The following EDIL3 variants were observed in gnomAD, a reference collection of about 807,000 sequenced individuals.
The protein encoded by EDIL3 is EGF-like repeat and discoidin I-like domain-containing protein 3.
A neutral mutation model predicts 67.4 loss-of-function variants in EDIL3; 37 were observed. That is an observed-to-expected ratio of 0.55 (90% confidence interval 0.42 to 0.72). The LOEUF is 0.72. Among genes scored for constraint, EDIL3 ranks in the 30% least tolerant of loss-of-function variants. The pLI, the probability that EDIL3 is intolerant of heterozygous loss-of-function variation, is 0.00. For missense variants in EDIL3, 527 were observed against 586.3 expected (o/e 0.90, Z 1.04); for synonymous variants, 195 against 196.3 (o/e 0.99, Z 0.05).
intron 1 of EDIL3, among the ~76,000 whole-genome samples, chr5:84,335,805 G>C (rs913852614): frequency 6.6e-6 from 1 of 152,142 alleles, no homozygotes; most frequent in African/African-American, 2.4e-5. Flanking sequence ...AGACTGGGTA[G>C]TTTATAAAGA....
intron 10 of EDIL3, among the ~76,000 whole-genome samples, chr5:83,947,325 A>G (rs1019969207): frequency 4.0e-5 from 6 of 151,406 alleles, no homozygotes; most frequent in Admixed American, 2.6e-4. Context: ...ACAAAGGTAA[A>G]GATCCATTTT....
chr5:84,304,759 G>T (rs1044386236), intron 1 of EDIL3, among the ~76,000 whole-genome samples: 1 of 152,122 alleles, frequency 6.6e-6, no homozygotes, highest in South Asian at 2.1e-4. Context: ...GTTACTTAAA[G>T]GTGAACAAAT....
At chr5:84,031,142 T>C (rs1745912678) in intron 9 of EDIL3, among the ~76,000 whole-genome samples, 1 of 152,268 alleles carries the variant, frequency 6.6e-6, no homozygotes, top group African/African-American at 2.4e-5. Context: ...TATGACATCA[T>C]TTTACCCCAA....
intron 9 of EDIL3, among the ~76,000 whole-genome samples, chr5:84,019,042 T>C (rs1055699992): frequency 3.3e-5 from 5 of 152,314 alleles, no homozygotes; most frequent in African/African-American, 1.2e-4. Flanking sequence ...ATCCCATTAC[T>C]GGGTATATGC....
chr5:83,941,909 A>G lies in EDIL3; in HGVS notation c.*1510T>C, dbSNP rs949879357. On this transcript the variant is annotated 3_prime_UTR_variant, in exon 11 of 11. Transcript: ENST00000296591. ...TATACATCATTAAGAAATGCTGTTA[A>G]CACATGGACAGACAAGACAGTAACA... is the stretch of plus-strand genomic sequence containing the variant. 20 of 152,044 alleles carry G rather than the reference A, an allele frequency of 1.3e-4. 1 individual carries two copies. The highest frequency in any genetic ancestry group is 4.3e-4 in the African/African-American group (18 of 41,452). The allele number at this position is 152,044 out of a possible 1,614,324, so 9.4% of individuals were successfully genotyped here.
At chr5:84,076,136 T>C (rs1312701911) in intron 6 of EDIL3, among the ~76,000 whole-genome samples, 3 of 151,986 alleles carry the variant, frequency 2.0e-5, no homozygotes. Context: ...AGTTATTTTA[T>C]ATTTTATCAA....
chr5:83,961,384 A>C (rs34996047), intron 10 of EDIL3, among the ~76,000 whole-genome samples: 42,891 of 150,992 alleles, frequency 0.28, 6,161 homozygotes, highest in East Asian at 0.34. Flanking sequence ...ATTTTATGTA[A>C]GTTTCAGATT....
At chr5:84,244,273 AT>A (rs1744862273) in intron 2 of EDIL3, among the ~76,000 whole-genome samples, 1 of 152,036 alleles carries the variant, frequency 6.6e-6, no homozygotes, top group Non-Finnish European at 1.5e-5. Flanking sequence ...CAAAACACTT[AT>A]GTATTTATTT....
intron 1 of EDIL3, among the ~76,000 whole-genome samples, chr5:84,260,518 T>C (rs1745207215): frequency 6.6e-6 from 1 of 152,224 alleles, no homozygotes; most frequent in Non-Finnish European, 1.5e-5. Flanking sequence ...GCAATTCTAC[T>C]AAGCTTACTC....
intron 5 of EDIL3, among the ~76,000 whole-genome samples, chr5:84,114,018 A>G (rs987548887): frequency 5.3e-5 from 8 of 152,196 alleles, no homozygotes; most frequent in African/African-American, 1.9e-4. Context: ...CACTTGGACA[A>G]CAGCCTTTCT....
At chr5:84,257,411 A>T (rs561336668) in intron 1 of EDIL3, among the ~76,000 whole-genome samples, 2 of 152,296 alleles carry the variant, frequency 1.3e-5, no homozygotes, top group Non-Finnish European at 2.9e-5. Context: ...TTGCTTATGG[A>T]AACACATTTC....
At chr5:84,018,814 T>A (rs993304640) in intron 9 of EDIL3, among the ~76,000 whole-genome samples, 2 of 152,074 alleles carry the variant, frequency 1.3e-5, no homozygotes, top group African/African-American at 4.8e-5. Flanking sequence ...TCACTGGCCA[T>A]CAGAGAAATG....
At chr5:84,071,564 A>G (rs1331805207) in intron 6 of EDIL3, among the ~76,000 whole-genome samples, 2 of 152,346 alleles carry the variant, frequency 1.3e-5, no homozygotes, top group East Asian at 1.9e-4. Flanking sequence ...AAAATTCCCA[A>G]TGGAGTGGTT....
At chr5:84,024,738 C>T (rs577383005) in intron 9 of EDIL3, among the ~76,000 whole-genome samples, 4 of 151,924 alleles carry the variant, frequency 2.6e-5, no homozygotes, top group Non-Finnish European at 5.9e-5. Context: ...TATCAAAATA[C>T]GGTAGCTCTA....
intron 9 of EDIL3, among the ~76,000 whole-genome samples, chr5:84,026,465 A>C (rs571085342): frequency 6.6e-6 from 1 of 152,056 alleles, no homozygotes; most frequent in Non-Finnish European, 1.5e-5. Context: ...GATTCAGTTC[A>C]GTCATCATTT....
chr5:84,008,225 A>C (rs933738642), intron 9 of EDIL3, among the ~76,000 whole-genome samples: 1 of 152,158 alleles, frequency 6.6e-6, no homozygotes, highest in Non-Finnish European at 1.5e-5. Flanking sequence ...ATTTGATAGC[A>C]CAACAGGGTG....
At chr5:84,291,800 T>C (rs13159928) in intron 1 of EDIL3, among the ~76,000 whole-genome samples, 2 of 147,412 alleles carry the variant, frequency 1.4e-5, no homozygotes, top group African/African-American at 2.5e-5. Flanking sequence ...TACACACACA[T>C]ATATATACAC....
intron 6 of EDIL3, among the ~76,000 whole-genome samples, chr5:84,098,054 G>GA (rs1036839690): frequency 6.8e-6 from 1 of 147,568 alleles, no homozygotes; most frequent in Non-Finnish European, 1.5e-5. Context: ...TTATTAGTTG[G>GA]AAAAAATCTA....
chr5:84,238,665 G>GTTTTTA (rs1554037701), intron 2 of EDIL3, among the ~76,000 whole-genome samples: 5 of 101,106 alleles, frequency 4.9e-5, no homozygotes, highest in African/African-American at 1.9e-4. Flanking sequence ...AAAATTAAAT[G>GTTTTTA]TTTTTTTTTT....
Sources: allele counts gnomAD v4.1 joint callset (sites outside exome capture counted in the v4.1 genomes callset), GRCh38; gene constraint gnomAD v4.1.1; transcripts MANE v1.5; gene names NCBI Gene and HGNC (gene_info 2026-07-23, HGNC 2026-07-21).